The following MARCHF1 variants were observed in gnomAD, a reference collection of about 807,000 sequenced individuals.
The protein encoded by MARCHF1 is E3 ubiquitin-protein ligase MARCHF1.
In MARCHF1, 40 loss-of-function variants were observed where a neutral mutation model predicts 54.2. The observed-to-expected ratio is 0.74, with a 90% CI of 0.57 to 0.96. MARCHF1 has a LOEUF of 0.96. MARCHF1 is among the 40% of genes least tolerant of loss of function. The pLI, the probability that MARCHF1 is intolerant of heterozygous loss-of-function variation, is 0.00. For synonymous variants in MARCHF1, 236 were observed against 236.3 expected (o/e 1.00, Z 0.01); for missense variants, 586 against 656.5 (o/e 0.89, Z 1.17).
chr4:163,865,120 T>C (rs1007124321), intron 3 of MARCHF1, among the ~76,000 whole-genome samples: 1 of 151,946 alleles, frequency 6.6e-6, no homozygotes, highest in Non-Finnish European at 1.5e-5. Context: ...CTTAAGAATA[T>C]GTTTTGCTAT....
At chr4:163,722,369 G>C (rs1452468989) in intron 4 of MARCHF1, among the ~76,000 whole-genome samples, 18 of 152,156 alleles carry the variant, frequency 1.2e-4, no homozygotes, top group Admixed American at 9.8e-4. Flanking sequence ...CTGAGTTCTA[G>C]TTTGATTGCA....
intron 8 of MARCHF1, among the ~76,000 whole-genome samples, chr4:163,549,481 G>A (rs1369570289): frequency 6.6e-6 from 1 of 151,916 alleles, no homozygotes; most frequent in Non-Finnish European, 1.5e-5. Context: ...TTTCACCAAT[G>A]TCTACACTGC....
intron 5 of MARCHF1, among the ~76,000 whole-genome samples, chr4:163,651,032 G>A (rs952688888): frequency 2.0e-5 from 3 of 151,908 alleles, no homozygotes; most frequent in African/African-American, 7.2e-5. Context: ...ACAGAAAACA[G>A]TATCCCAGTC....
chr4:164,002,989 T>C (rs1560856762), intron 2 of MARCHF1, among the ~76,000 whole-genome samples: 2 of 151,922 alleles, frequency 1.3e-5, no homozygotes, highest in South Asian at 2.1e-4. Context: ...AGAAAATTTA[T>C]GTTAGCATTC....
At chr4:163,811,951 G>A (rs558455758) in intron 4 of MARCHF1, among the ~76,000 whole-genome samples, 1 of 152,238 alleles carries the variant, frequency 6.6e-6, no homozygotes, top group African/African-American at 2.4e-5. Flanking sequence ...GCTAGACTGA[G>A]TATAGCAAAT....
chr4:164,099,799 T>A (rs1478581502), intron 2 of MARCHF1, among the ~76,000 whole-genome samples: 1 of 152,300 alleles, frequency 6.6e-6, no homozygotes. Flanking sequence ...AATATATGTA[T>A]AAATGCCTTT....
intron 3 of MARCHF1, among the ~76,000 whole-genome samples, chr4:163,909,282 A>G (rs1483193766): frequency 6.6e-6 from 1 of 152,198 alleles, no homozygotes; most frequent in Non-Finnish European, 1.5e-5. Flanking sequence ...ATGTGAGATG[A>G]TAATATACTC....
chr4:163,910,086 T>G (rs1454869290), intron 3 of MARCHF1, among the ~76,000 whole-genome samples: 1 of 147,912 alleles, frequency 6.8e-6, no homozygotes, highest in Admixed American at 6.7e-5. Flanking sequence ...CGAAGCATAG[T>G]CAAACATCTA....
chr4:164,104,793 G>T (rs1755654253), intron 2 of MARCHF1, among the ~76,000 whole-genome samples: 1 of 37,296 alleles, frequency 2.7e-5, no homozygotes, highest in African/African-American at 6.5e-5. Flanking sequence ...AGGAAATAAA[G>T]GGTATTCAAT....
At chr4:164,121,255 A>T (rs1197450105) in intron 1 of MARCHF1, among the ~76,000 whole-genome samples, 1 of 152,126 alleles carries the variant, frequency 6.6e-6, no homozygotes, top group Non-Finnish European at 1.5e-5. Flanking sequence ...ACAACCTACC[A>T]AGATTGAACC....
intron 1 of MARCHF1, among the ~76,000 whole-genome samples, chr4:164,369,697 T>C (rs1730980845): frequency 6.6e-6 from 1 of 152,226 alleles, no homozygotes; most frequent in Admixed American, 6.5e-5. Context: ...AATGTACTTA[T>C]GTACTATAAT....
chr4:163,591,881 A>G (rs1740603387), intron 7 of MARCHF1, among the ~76,000 whole-genome samples: 1 of 152,186 alleles, frequency 6.6e-6, no homozygotes, highest in South Asian at 2.1e-4. Context: ...GAGGAAGTCA[A>G]GCAAACTGAT....
chr4:164,056,595 T>C lies in MARCHF1; in HGVS notation c.-248+54993A>G, dbSNP rs183300264. Among the ~76,000 whole-genome samples, 321 of 152,288 alleles carry C rather than the reference T, an allele frequency of 2.1e-3. 1 individual carries two copies. The highest frequency in any genetic ancestry group is 7.6e-3 in the African/African-American group (314 of 41,566). On this transcript the variant is annotated intron_variant, in intron 2 of 9. Coordinates refer to ENST00000514618, the MANE Select transcript of MARCHF1 (RefSeq NM_001394959.1). ...AAAAATGTTAGTATTGTTATCCATTTCCGACTTGTTCATTTAGATTAATAG... is the reference window on the plus strand; with the variant it reads ...AAAAATGTTAGTATTGTTATCCATTCCCGACTTGTTCATTTAGATTAATAG...
chr4:163,963,204 C>T (rs1368145864), intron 3 of MARCHF1, among the ~76,000 whole-genome samples: 1 of 151,916 alleles, frequency 6.6e-6, no homozygotes, highest in Non-Finnish European at 1.5e-5. Flanking sequence ...AACACTGTGA[C>T]ACAGCCTAAG....
At chr4:163,973,557 G>C (rs1579432505) in intron 3 of MARCHF1, among the ~76,000 whole-genome samples, 1 of 152,218 alleles carries the variant, frequency 6.6e-6, no homozygotes, top group Non-Finnish European at 1.5e-5. Context: ...GCCATGCCCG[G>C]AAACGGCGTT....
At chr4:163,925,586 C>T (rs1352828338) in intron 3 of MARCHF1, among the ~76,000 whole-genome samples, 3 of 151,636 alleles carry the variant, frequency 2.0e-5, no homozygotes, top group Non-Finnish European at 4.4e-5. Flanking sequence ...CTATGAAAAT[C>T]CTCACGTGTT....
chr4:163,620,489 GC>G (rs1341053486), intron 5 of MARCHF1, among the ~76,000 whole-genome samples: 1 of 151,346 alleles, frequency 6.6e-6, no homozygotes, highest in East Asian at 1.9e-4. Flanking sequence ...ATCTGTAATA[GC>G]AAGAAGTTGG....
chr4:163,817,188 T>G, intron 4 of MARCHF1, among the ~76,000 whole-genome samples: 1 of 151,998 alleles, frequency 6.6e-6, no homozygotes, highest in East Asian at 1.9e-4. Flanking sequence ...TCACTCAAAA[T>G]TATCACACAA....
chr4:163,854,136 T>A lies in MARCHF1; in HGVS notation c.-5A>T. 6.5e-7 allele frequency: 1 copy of A among 1,533,280 alleles called. No homozygotes were observed. The highest frequency in any genetic ancestry group is 8.7e-7 in the Non-Finnish European group (1 of 1,144,800). The allele number at this position is 1,533,280 out of a possible 1,614,324, so 95.0% of individuals were successfully genotyped here. ...CGCTTCACACCAGCCCAGCATTTTC[T>A]CCTTCCTCTTATCCCTTTTCAATTT... On this transcript the variant is annotated 5_prime_UTR_variant, in exon 4 of 10. Coordinates refer to ENST00000514618, the MANE Select transcript of MARCHF1 (RefSeq NM_001394959.1).
Sources: allele counts gnomAD v4.1 joint callset (sites outside exome capture counted in the v4.1 genomes callset), GRCh38; gene constraint gnomAD v4.1.1; transcripts MANE v1.5; gene names NCBI Gene and HGNC (gene_info 2026-07-23, HGNC 2026-07-21).